TBXAS1: variants seen among roughly 807,000 people sequenced by gnomAD.
TBXAS1 encodes the protein thromboxane-A synthase.
In TBXAS1, 48 loss-of-function variants were observed where a neutral mutation model predicts 60.7. The ratio of observed to expected loss-of-function variants is 0.79; its 90% CI spans 0.63 to 1.01. TBXAS1 has a LOEUF of 1.01. Ranked by LOEUF, TBXAS1 falls within the 50% of genes least tolerant of loss-of-function variation. TBXAS1 has a pLI of 0.00. For synonymous variants in TBXAS1, 287 were observed against 269.7 expected (o/e 1.06, Z -0.63); for missense variants, 685 against 686.3 (o/e 1.00, Z 0.02).
At chr7:139,865,472 C>T (rs889020000) in intron 1 of TBXAS1, among the ~76,000 whole-genome samples, 1 of 151,974 alleles carries the variant, frequency 6.6e-6, no homozygotes, top group Non-Finnish European at 1.5e-5. Context: ...GCTTGCAGTA[C>T]CTATCAATGA....
chr7:139,957,796 A>G, intron 8 of TBXAS1, 32 bp downstream of exon 8: 1 of 1,613,640 alleles, frequency 6.2e-7, no homozygotes, highest in Non-Finnish European at 8.5e-7. Flanking sequence ...CAGCCTTGAA[A>G]TGGAATGGAG....
intron 1 of TBXAS1, among the ~76,000 whole-genome samples, chr7:139,841,251 A>G (rs1273642419): frequency 1.3e-5 from 2 of 152,210 alleles, no homozygotes; most frequent in South Asian, 2.1e-4. Context: ...GAGAAGCAGA[A>G]GGTCTTGGGC....
intron 5 of TBXAS1, among the ~76,000 whole-genome samples, chr7:139,946,245 T>G (rs1808705615): frequency 6.6e-6 from 1 of 151,950 alleles, no homozygotes; most frequent in East Asian, 1.9e-4. Context: ...GGGGCTGAAA[T>G]GGGAGGATGG....
chr7:139,990,315 G>A (rs940508029), intron 9 of TBXAS1, among the ~76,000 whole-genome samples: 1 of 152,218 alleles, frequency 6.6e-6, no homozygotes, highest in Non-Finnish European at 1.5e-5. Flanking sequence ...TCGCCCCAGC[G>A]CAGCATTCCT....
chr7:139,933,517 C>G (rs1304241591), intron 4 of TBXAS1, among the ~76,000 whole-genome samples: 1 of 152,136 alleles, frequency 6.6e-6, no homozygotes, highest in Non-Finnish European at 1.5e-5. Context: ...TCCATAAAGC[C>G]ATAATTCTGT....
intron 9 of TBXAS1, among the ~76,000 whole-genome samples, chr7:139,989,680 C>T (rs1263667970): frequency 1.3e-5 from 2 of 152,210 alleles, no homozygotes; most frequent in African/African-American, 2.4e-5. Context: ...GACACATAGT[C>T]CTGTCCTCCG....
At chr7:139,970,074 G>A (rs1198142220) in intron 9 of TBXAS1, among the ~76,000 whole-genome samples, 1 of 152,158 alleles carries the variant, frequency 6.6e-6, no homozygotes, top group East Asian at 1.9e-4. Flanking sequence ...AGCAGGTCTG[G>A]GACGAGCCTG....
At chr7:139,890,404 A>G (rs1803500937) in intron 3 of TBXAS1, among the ~76,000 whole-genome samples, 1 of 151,556 alleles carries the variant, frequency 6.6e-6, no homozygotes, top group African/African-American at 2.4e-5. Context: ...TTTAGGAGAG[A>G]CGGGGTTTCA....
intron 3 of TBXAS1, among the ~76,000 whole-genome samples, chr7:139,877,839 C>T (rs1019256445): frequency 6.6e-6 from 1 of 151,656 alleles, no homozygotes; most frequent in Admixed American, 6.6e-5. Flanking sequence ...CTCATTCCAG[C>T]TCTTTCTTTC....
chr7:139,789,909 G>C (rs1699030698), intron 4 of TBXAS1, among the ~76,000 whole-genome samples: 1 of 152,166 alleles, frequency 6.6e-6, no homozygotes, highest in South Asian at 2.1e-4. Context: ...GGGATTACAG[G>C]CGTGAGCCAC....
In TBXAS1 at chr7:140,000,070, C is replaced by T. The variant is rs10259905; in HGVS notation, c.1135-7021C>T. 8.0e-3 allele frequency among the ~76,000 whole-genome samples: 1,211 copies of T among 152,120 alleles called. 22 individuals are homozygous for T. Among genetic ancestry groups the T allele is most frequent in the African/African-American group, 0.027 (1,126 of 41,470 alleles). On this transcript the variant is annotated intron_variant, in intron 9 of 12. Transcript: ENST00000448866. ...TGTCTAGCTTTCAGAGAAAATGATA[C>T]ACAAAATGATAAATATAGAAAAGAG...
intron 9 of TBXAS1, among the ~76,000 whole-genome samples, chr7:139,993,900 T>TC (rs1463754654): frequency 6.8e-6 from 1 of 146,818 alleles, no homozygotes; most frequent in Non-Finnish European, 1.5e-5. Context: ...TTCTTTTTTT[T>TC]TTTTTTTTTT....
At chr7:139,897,299 T>C (rs941043768) in intron 3 of TBXAS1, among the ~76,000 whole-genome samples, 1 of 134,812 alleles carries the variant, frequency 7.4e-6, no homozygotes, top group Non-Finnish European at 1.5e-5. Flanking sequence ...ATGGAGGGTT[T>C]CAGTCGGTAT....
At chr7:139,903,221 T>A (rs978615828) in intron 3 of TBXAS1, among the ~76,000 whole-genome samples, 2 of 152,084 alleles carry the variant, frequency 1.3e-5, no homozygotes, top group Non-Finnish European at 2.9e-5. Context: ...CTGAGTTGCT[T>A]CACTCAGAAT....
intron 9 of TBXAS1, among the ~76,000 whole-genome samples, chr7:139,994,912 C>T (rs1304626123): frequency 1.3e-5 from 2 of 152,192 alleles, no homozygotes; most frequent in Admixed American, 6.5e-5. Flanking sequence ...TCCCACCTGA[C>T]GACAGTGGGG....
chr7:139,930,985 T>A (rs1271614250), intron 4 of TBXAS1, among the ~76,000 whole-genome samples: 1 of 152,118 alleles, frequency 6.6e-6, no homozygotes, highest in African/African-American at 2.4e-5. Flanking sequence ...TTTTGGTTTT[T>A]CAAGCTTTTT....
rs569222439 is a variant in TBXAS1, at chr7:139,878,085, T to C, written c.236+2448T>C. Among the ~76,000 whole-genome samples the C allele has an allele frequency of 3.3e-5, 5 of 150,228 alleles. No homozygotes were observed. The East Asian group carries it at 9.7e-4, about 29-fold the overall frequency. ...GCCAAATTAAGAGTTTAAAGGGCAC[T>C]GTATGAACTAGTTGTGTGTGTGTGA... On this transcript the variant is annotated intron_variant, in intron 3 of 12. Transcript: ENST00000448866.
At chr7:140,006,044 G>A (rs1226139039) in intron 9 of TBXAS1, among the ~76,000 whole-genome samples, 5 of 152,348 alleles carry the variant, frequency 3.3e-5, no homozygotes, top group African/African-American at 1.2e-4. Context: ...GCCTCCCAGC[G>A]CCTGTAACTG....
intron 1 of TBXAS1, among the ~76,000 whole-genome samples, chr7:139,854,434 A>T (rs909469801): frequency 1.2e-4 from 18 of 152,152 alleles, no homozygotes; most frequent in African/African-American, 3.9e-4. Context: ...CCAAGGAAGA[A>T]TTCTGAGCAG....
Sources: allele counts gnomAD v4.1 joint callset (sites outside exome capture counted in the v4.1 genomes callset), GRCh38; gene constraint gnomAD v4.1.1; transcripts MANE v1.5; gene names NCBI Gene and HGNC (gene_info 2026-07-23, HGNC 2026-07-21).